The following AGBL4 variants were observed in gnomAD, a reference collection of about 807,000 sequenced individuals.
AGBL4 encodes the protein AGBL carboxypeptidase 4, also known as cytosolic carboxypeptidase 6.
Under a neutral mutation model 66.4 loss-of-function variants are expected in AGBL4, and 58 were observed. That is an observed-to-expected ratio of 0.87 (90% CI 0.71 to 1.09). AGBL4 has a LOEUF of 1.09. Ranked by LOEUF, AGBL4 falls within the 50% of genes least tolerant of loss-of-function variation. The pLI is 0.00. For missense variants in AGBL4, 579 were observed against 631.0 expected (o/e 0.92, Z 0.88); for synonymous variants, 234 against 222.9 (o/e 1.05, Z -0.44).
At chr1:49,743,255 C>A (rs1346775167) in intron 2 of AGBL4, among the ~76,000 whole-genome samples, 6 of 152,160 alleles carry the variant, frequency 3.9e-5, no homozygotes, top group African/African-American at 1.4e-4. Context: ...TATGAACAGA[C>A]ACTTCTCAAA....
intron 2 of AGBL4, among the ~76,000 whole-genome samples, chr1:49,780,050 G>A (rs1327095590): frequency 1.3e-5 from 2 of 152,100 alleles, no homozygotes. Context: ...GCAAAATAAA[G>A]ACATTCCCAG....
At chr1:48,775,570 G>C (rs150062287) in intron 6 of AGBL4, among the ~76,000 whole-genome samples, 1 of 152,290 alleles carries the variant, frequency 6.6e-6, no homozygotes, top group African/African-American at 2.4e-5. Context: ...AGCTAAAAAG[G>C]CTGCTCCCCA....
chr1:49,117,930 C>T (rs1415466816), intron 4 of AGBL4, among the ~76,000 whole-genome samples: 3 of 152,134 alleles, frequency 2.0e-5, no homozygotes, highest in Admixed American at 1.3e-4. Flanking sequence ...TGAAGAGGTC[C>T]TTCACATCCC....
chr1:48,670,333 G>A (rs74076221), intron 6 of AGBL4, among the ~76,000 whole-genome samples: 1,973 of 152,314 alleles, frequency 0.013, 46 homozygotes, highest in African/African-American at 0.044. Flanking sequence ...CAGAAAGAAC[G>A]AGTGACTTGC....
At chr1:49,308,263 C>T (rs1174379608) in intron 3 of AGBL4, among the ~76,000 whole-genome samples, 1 of 152,112 alleles carries the variant, frequency 6.6e-6, no homozygotes, top group East Asian at 1.9e-4. Flanking sequence ...TAATGCAGGG[C>T]CCAAACAGAG....
intron 9 of AGBL4, among the ~76,000 whole-genome samples, chr1:48,593,244 C>A (rs1010275596): frequency 6.6e-6 from 1 of 152,180 alleles, no homozygotes; most frequent in Non-Finnish European, 1.5e-5. Flanking sequence ...ACCATAAACA[C>A]ACCATTCAGA....
At chr1:49,931,564 G>A (rs1653365515) in intron 1 of AGBL4, among the ~76,000 whole-genome samples, 1 of 151,964 alleles carries the variant, frequency 6.6e-6, no homozygotes. Flanking sequence ...GAACAGCAAG[G>A]GGGAAATTCG....
At chr1:49,933,388 T>A (rs867488202) in intron 1 of AGBL4, among the ~76,000 whole-genome samples, 61 of 151,650 alleles carry the variant, frequency 4.0e-4, no homozygotes, top group Middle Eastern at 3.4e-3. Context: ...TATTCCTGTC[T>A]TACAAAAAAT....
At chr1:48,745,852 C>G (rs868425830) in intron 6 of AGBL4, among the ~76,000 whole-genome samples, 5 of 152,118 alleles carry the variant, frequency 3.3e-5, no homozygotes, top group South Asian at 4.1e-4. Context: ...TTTGCACTCT[C>G]CCCACCCCTC....
chr1:49,930,929 A>T (rs1268499093), intron 1 of AGBL4, among the ~76,000 whole-genome samples: 1 of 152,178 alleles, frequency 6.6e-6, no homozygotes, highest in Non-Finnish European at 1.5e-5. Flanking sequence ...GAAAAAATTT[A>T]AAAGCATCCT....
At chr1:49,936,452 G>A (rs939020760) in intron 1 of AGBL4, among the ~76,000 whole-genome samples, 1 of 152,074 alleles carries the variant, frequency 6.6e-6, no homozygotes, top group Admixed American at 6.6e-5. Flanking sequence ...AACTAGCAAG[G>A]CAGGCCAACA....
intron 4 of AGBL4, among the ~76,000 whole-genome samples, chr1:49,197,227 T>C (rs1053750307): frequency 5.3e-5 from 8 of 152,192 alleles, no homozygotes; most frequent in African/African-American, 1.7e-4. Context: ...AGCTTTACTG[T>C]GGTGGCTTTC....
At chr1:48,883,972 T>C (rs1650041789) in intron 5 of AGBL4, among the ~76,000 whole-genome samples, 1 of 152,182 alleles carries the variant, frequency 6.6e-6, no homozygotes, top group Non-Finnish European at 1.5e-5. Flanking sequence ...TATAGTTGAT[T>C]AAGCTTTTGT....
intron 2 of AGBL4, among the ~76,000 whole-genome samples, chr1:49,742,188 G>T (rs1404997318): frequency 9.3e-5 from 14 of 150,920 alleles, no homozygotes; most frequent in South Asian, 2.1e-4. Context: ...AAGCTGATAA[G>T]CAACTTCAGC....
At chr1:48,741,231 T>C (rs755242509) in intron 6 of AGBL4, among the ~76,000 whole-genome samples, 7 of 152,202 alleles carry the variant, frequency 4.6e-5, no homozygotes, top group Non-Finnish European at 5.9e-5. Context: ...TTATCTTTGA[T>C]TGGGGAAGGT....
rs1397313927 is a variant in AGBL4, at chr1:49,655,536, T to A, written c.282+41777A>T. Among the ~76,000 whole-genome samples the A allele has an allele frequency of 3.9e-5, 6 of 152,176 alleles. No individual in the cohort carries two copies. The South Asian group carries it at 8.3e-4, about 21-fold the overall frequency. On this transcript the variant is annotated intron_variant, in intron 3 of 13. Transcript: ENST00000371839. ...CAAAGACACAACATACCAGAATCTC[T>A]GGGACACACTTAAAGCAGTGTGTAG...
At chr1:49,809,818 C>T (rs1451720320) in intron 2 of AGBL4, among the ~76,000 whole-genome samples, 1 of 152,144 alleles carries the variant, frequency 6.6e-6, no homozygotes, top group African/African-American at 2.4e-5. Context: ...CCTTATCTAT[C>T]TCAAGTACTG....
intron 8 of AGBL4, among the ~76,000 whole-genome samples, chr1:48,646,010 T>G (rs1645829146): frequency 1.3e-5 from 2 of 152,174 alleles, no homozygotes; most frequent in Admixed American, 6.5e-5. Flanking sequence ...GGCTACCATG[T>G]GAAAGATGGG....
chr1:49,934,824 C>CAAA lies in AGBL4; in HGVS notation c.35-83309_35-83307dup, dbSNP rs1196613164. On this transcript the variant is annotated intron_variant, in intron 1 of 13. Coordinates refer to ENST00000371839, the MANE Select transcript of AGBL4 (RefSeq NM_032785.4). Reference sequence around the variant, plus strand: ...AATATCTGAGCAGAAATCAGAGATACAAAAAAAAAAAAAAATAGGAGAGGG... The same window carrying CAAA: ...AATATCTGAGCAGAAATCAGAGATACAAAAAAAAAAAAAAAAAATAGGAGAGGG... Among the ~76,000 whole-genome samples the CAAA allele has an allele frequency of 3.1e-4, 35 of 114,224 alleles. 1 individual carries two copies. Among genetic ancestry groups the CAAA allele is most frequent in the East Asian group, 9.9e-4 (4 of 4,036 alleles). The allele number at this position is 114,224 out of a possible 152,430, so 74.9% of individuals were successfully genotyped here.
Sources: gnomAD v4.1 joint callset for allele counts (sites outside exome capture counted in the v4.1 genomes callset) on GRCh38, gnomAD v4.1.1 for gene constraint, MANE v1.5 for transcripts, NCBI Gene and HGNC (gene_info 2026-07-23, HGNC 2026-07-21) for gene names.